The following CDC20B variants were observed in gnomAD, a reference collection of about 807,000 sequenced individuals.
The protein encoded by CDC20B is cell division cycle 20B.
A neutral mutation model predicts 64.1 loss-of-function variants in CDC20B; 58 were observed. The observed-to-expected ratio is 0.90, with a 90% CI of 0.73 to 1.13. The LOEUF is 1.13. CDC20B is among the 50% of genes most tolerant of loss of function. CDC20B has a pLI of 0.00. For missense variants in CDC20B, 597 were observed against 633.0 expected (o/e 0.94, Z 0.61); for synonymous variants, 243 against 230.6 (o/e 1.05, Z -0.49).
chr5:55,151,316 A>C (rs906139399), intron 2 of CDC20B, among the ~76,000 whole-genome samples: 1 of 152,208 alleles, frequency 6.6e-6, no homozygotes, highest in South Asian at 2.1e-4. Flanking sequence ...GACTCAACAG[A>C]GCATGTCTGT....
chr5:55,165,006 T>A (rs975403026), intron 2 of CDC20B: 3 of 152,194 alleles, frequency 2.0e-5, no homozygotes, highest in Non-Finnish European at 4.4e-5. Flanking sequence ...TATTTTTGCG[T>A]GAAAATCCCA....
At chr5:55,154,453 G>A (rs1284904525) in intron 2 of CDC20B, among the ~76,000 whole-genome samples, 5 of 152,118 alleles carry the variant, frequency 3.3e-5, no homozygotes, top group Non-Finnish European at 5.9e-5. Flanking sequence ...GGAGGTCGAC[G>A]CTGCAGTGAG....
chr5:55,158,374 C>T (rs540593440), intron 2 of CDC20B, among the ~76,000 whole-genome samples: 17 of 152,180 alleles, frequency 1.1e-4, no homozygotes, highest in African/African-American at 3.9e-4. Flanking sequence ...ATCTTACATA[C>T]ATTTTTGTTC....
chr5:55,161,372 T>G (rs976949358), intron 2 of CDC20B: 1 of 1,010,114 alleles, frequency 9.9e-7, no homozygotes, highest in African/African-American at 1.6e-5. Context: ...TTCATAAAAC[T>G]ATCATCAAAG....
chr5:55,168,142 C>T (rs1221738205), intron 2 of CDC20B, among the ~76,000 whole-genome samples: 1 of 152,028 alleles, frequency 6.6e-6, no homozygotes, highest in South Asian at 2.1e-4. Flanking sequence ...AACTAATCCA[C>T]CACACTCCTT....
intron 2 of CDC20B, among the ~76,000 whole-genome samples, chr5:55,167,850 C>T (rs1258483579): frequency 6.6e-6 from 1 of 151,992 alleles, no homozygotes; most frequent in South Asian, 2.1e-4. Flanking sequence ...GGCAACAGAG[C>T]GAGACCCCAT....
chr5:55,133,662 A>G, intron 5 of CDC20B, 134 bp from the exon 6 acceptor site: 1 of 453,000 alleles, frequency 2.2e-6, no homozygotes, highest in Non-Finnish European at 3.9e-6. Context: ...TGATAAAACT[A>G]CAGTACAAAG....
At chr5:55,138,977 C>G (rs945898537) in intron 5 of CDC20B, among the ~76,000 whole-genome samples, 4 of 150,070 alleles carry the variant, frequency 2.7e-5, no homozygotes, top group Non-Finnish European at 1.5e-5. Context: ...AAAAATAATT[C>G]AAGCAACTTT....
rs781108418 is a variant in CDC20B at position 55,172,982 on chromosome 5, G to C, written c.19C>G (p.Arg7Gly). ...GTGCGGACCCTCCGAGGCGCGGTGCGCTCCAGTTTCCACTCCATCTCCGGC... is the reference window on the plus strand; with the variant it reads ...GTGCGGACCCTCCGAGGCGCGGTGCCCTCCAGTTTCCACTCCATCTCCGGC... Reference protein sequence around the residue: MEWKLERTAPRRVRTEE... With the variant: MEWKLEGTAPRRVRTEE... The change falls in exon 1 of 12, where the codon CGC becomes GGC. Residue 7 changes from arginine to glycine, a missense_variant. Physicochemically the swap from Arg to Gly is moderately radical, Grantham distance 125 (BLOSUM62 -2). Transcript: ENST00000381375. 1.9e-6 allele frequency: 3 copies of C among 1,611,706 alleles called. No individual in the cohort carries two copies. Among genetic ancestry groups the C allele is most frequent in the Non-Finnish European group, 2.5e-6 (3 of 1,179,222 alleles).
chr5:55,170,824 T>A, intron 2 of CDC20B: 1 of 411,748 alleles, frequency 2.4e-6, no homozygotes, highest in South Asian at 1.8e-5. Flanking sequence ...ATCTTAATAG[T>A]CACATTAAAG....
At chr5:55,155,131 C>A (rs755160394) in intron 2 of CDC20B, among the ~76,000 whole-genome samples, 1 of 152,114 alleles carries the variant, frequency 6.6e-6, no homozygotes, top group Non-Finnish European at 1.5e-5. Flanking sequence ...GGATGAATGA[C>A]TCGGTACTCC....
chr5:55,173,062 T>A lies in CDC20B; in HGVS notation c.-62A>T. On this transcript the variant is annotated 5_prime_UTR_variant, in exon 1 of 12. Coordinates refer to ENST00000381375, the MANE Select transcript of CDC20B (RefSeq NM_001170402.1). ...TCTGCTCGACTGCCTCTGGTTTTCT[T>A]CCCAGGTCTAAGTCAGTCTTGACGC... 1.4e-6 allele frequency: 2 copies of A among 1,468,924 alleles called. No individual in the cohort carries two copies. Among genetic ancestry groups the A allele is most frequent in the Non-Finnish European group, 1.9e-6 (2 of 1,066,146 alleles). 91.0% of individuals were successfully genotyped at this position (1,468,924 alleles called of 1,614,324 possible).
rs1744241463 is a variant in CDC20B at position 55,164,046 on chromosome 5, A to G, written c.126+8542T>C. 5 of 1,553,968 alleles carry G rather than the reference A, an allele frequency of 3.2e-6. No individual in the cohort carries two copies. The East Asian group carries it at 1.1e-4, about 35-fold the overall frequency. ...TTATGCTCATGAAAATATGTTCTGG[A>G]TATTTTAGATTCTTCAAAGAAGGAA... On this transcript the variant is annotated intron_variant, in intron 2 of 11. Coordinates refer to ENST00000381375, the MANE Select transcript of CDC20B (RefSeq NM_001170402.1).
chr5:55,116,916 C>T (rs546194343), intron 11 of CDC20B, among the ~76,000 whole-genome samples: 1 of 152,338 alleles, frequency 6.6e-6, no homozygotes, highest in South Asian at 2.1e-4. Flanking sequence ...AAGTTTTTCT[C>T]TCACATCAGT....
chr5:55,163,528 C>A (rs891253570), intron 2 of CDC20B, among the ~76,000 whole-genome samples: 1 of 151,816 alleles, frequency 6.6e-6, no homozygotes, highest in Non-Finnish European at 1.5e-5. Context: ...TTATTTGACA[C>A]AGAGTTTCAC....
At chr5:55,125,154 A>C in intron 8 of CDC20B, 126 bp from the exon 9 acceptor site, 2 of 672,500 alleles carry the variant, frequency 3.0e-6, no homozygotes, top group South Asian at 3.9e-5. Context: ...ACACAGGTGG[A>C]GATTCCTTGG....
intron 6 of CDC20B, 135 bp downstream of exon 6, chr5:55,133,277 C>T: frequency 2.2e-6 from 1 of 444,700 alleles, no homozygotes; most frequent in Non-Finnish European, 4.0e-6. Flanking sequence ...AGTATATTAG[C>T]CATATTTGGA....
intron 2 of CDC20B, among the ~76,000 whole-genome samples, chr5:55,150,673 TA>T (rs1025093835): frequency 2.0e-5 from 3 of 152,276 alleles, no homozygotes; most frequent in South Asian, 2.1e-4. Context: ...AAACCTTGAC[TA>T]GGGGGCAGCA....
At chr5:55,154,362 CA>C (rs1436982709) in intron 2 of CDC20B, among the ~76,000 whole-genome samples, 2 of 151,870 alleles carry the variant, frequency 1.3e-5, no homozygotes, top group African/African-American at 2.4e-5. Flanking sequence ...AAATAAAAAT[CA>C]AAAAACTAGC....
Sources: allele counts gnomAD v4.1 joint callset (sites outside exome capture counted in the v4.1 genomes callset), GRCh38; gene constraint gnomAD v4.1.1; transcripts MANE v1.5; gene names NCBI Gene and HGNC (gene_info 2026-07-23, HGNC 2026-07-21).